Variants in SDK1 observed in about 807,000 individuals in gnomAD.
SDK1 encodes sidekick cell adhesion molecule 1.
In SDK1, 157 loss-of-function variants were observed where a neutral mutation model predicts 245.5. The observed-to-expected ratio is 0.64, with a 90% CI of 0.56 to 0.73. The LOEUF is 0.73. Ranked by LOEUF, SDK1 falls within the 30% of genes least tolerant of loss-of-function variation. The probability of loss-of-function intolerance (pLI) is 0.00; values close to 1 mark genes in which losing one functional copy is unlikely to be tolerated. For synonymous variants in SDK1, 1,647 were observed against 1,278.5 expected, an observed-to-expected ratio of 1.29 and a Z score of -6.15; for missense variants, 3,583 against 3,002.3, an observed-to-expected ratio of 1.19 and a Z score of -4.52.
At chr7:4,135,653 C>CT (rs1462981292) in intron 28 of SDK1, among the ~76,000 whole-genome samples, 1 of 152,218 alleles carries the variant, frequency 6.6e-6, no homozygotes, top group Admixed American at 6.5e-5. Context: ...ATGCGTGTTT[C>CT]TTAGCATTCC....
In SDK1 at chr7:4,110,685, A is replaced by T. The variant is rs1372104786; in HGVS notation, c.3347A>T (p.Glu1116Val). ...EGQVGAIGDE[E>V]EWVTLYEEEN... Reference sequence around the variant, plus strand: ...CAGGTGGGAGCTATCGGCGACGAGGAGGAGTGGGTCACCCTCTATGAAGAG... The same window carrying T: ...CAGGTGGGAGCTATCGGCGACGAGGTGGAGTGGGTCACCCTCTATGAAGAG... The change falls in exon 23 of 45, where the codon GAG becomes GTG. Residue 1116 changes from glutamate to valine, a missense_variant. Transcript: ENST00000404826. 7.4e-6 allele frequency: 12 copies of T among 1,613,750 alleles called. No individual in the cohort carries two copies. Among genetic ancestry groups the T allele is most frequent in the Non-Finnish European group, 1.0e-5 (12 of 1,179,816 alleles).
intron 4 of SDK1, among the ~76,000 whole-genome samples, chr7:3,817,331 A>G (rs548503260): frequency 2.5e-4 from 38 of 152,262 alleles, no homozygotes; most frequent in East Asian, 1.4e-3. Flanking sequence ...AGTACACCCA[A>G]TCGAAGCTCT....
intron 25 of SDK1, among the ~76,000 whole-genome samples, chr7:4,117,175 C>A (rs1783767966): frequency 6.6e-6 from 1 of 152,194 alleles, no homozygotes; most frequent in African/African-American, 2.4e-5. Context: ...TTTCTGGAAT[C>A]TTAAATGTAT....
intron 5 of SDK1, among the ~76,000 whole-genome samples, chr7:3,855,297 G>C (rs571459525): frequency 3.6e-4 from 55 of 151,984 alleles, no homozygotes; most frequent in Middle Eastern, 3.4e-3. Flanking sequence ...CACCATGAAA[G>C]AGAGACACCC....
Position 3,880,445 on chromosome 7 carries a change from C to T in SDK1, c.847+58862C>T, listed in dbSNP as rs575756173. The stretch of plus-strand genomic sequence containing the variant: ...TAGCCTCAGCAGCAGGAGCCCGGCC[C>T]GCGGCGCCAACACCAGCGCCTCTCT... On this transcript the variant is annotated intron_variant, in intron 5 of 44. Transcript: ENST00000404826. Among the ~76,000 whole-genome samples, 13 of 152,056 alleles carry T rather than the reference C, an allele frequency of 8.5e-5. No individual in the cohort carries two copies. The South Asian group carries it at 1.2e-3, about 15-fold the overall frequency.
At chr7:3,528,377 G>A (rs535704112) in intron 1 of SDK1, among the ~76,000 whole-genome samples, 2 of 151,714 alleles carry the variant, frequency 1.3e-5, no homozygotes, top group Admixed American at 6.6e-5. Context: ...TGTCAGCTAG[G>A]GGGTGAGTGG....
chr7:3,903,371 C>T, intron 5 of SDK1, among the ~76,000 whole-genome samples: 1 of 152,252 alleles, frequency 6.6e-6, no homozygotes, highest in Non-Finnish European at 1.5e-5. Flanking sequence ...TCTCGATCAT[C>T]TGCTGACCTT....
intron 1 of SDK1, among the ~76,000 whole-genome samples, chr7:3,430,561 C>T (rs1249633247): frequency 1.3e-5 from 2 of 152,228 alleles, no homozygotes; most frequent in African/African-American, 4.8e-5. Context: ...GACTGTCTTT[C>T]TCTAGCCATC....
intron 1 of SDK1, among the ~76,000 whole-genome samples, chr7:3,391,330 T>A (rs1781743487): frequency 6.6e-6 from 1 of 152,182 alleles, no homozygotes; most frequent in Admixed American, 6.5e-5. Context: ...CACATGACCT[T>A]GGTTCCATTG....
rs376745793 is a variant in SDK1 at position 3,542,662 on chromosome 7, A to G, written c.299-76418A>G. ...ATGTTAAAAATATTTTAATATCTTTACAATAACTATTGGCTATGCCTTACA... is the reference window on the plus strand; with the variant it reads ...ATGTTAAAAATATTTTAATATCTTTGCAATAACTATTGGCTATGCCTTACA... On this transcript the variant is annotated intron_variant, in intron 1 of 44. Transcript: ENST00000404826. Among the ~76,000 whole-genome samples, 51 of 152,342 alleles carry G rather than the reference A, an allele frequency of 3.3e-4. 1 individual carries two copies. Among genetic ancestry groups the G allele is most frequent in the Middle Eastern group, 6.8e-3 (2 of 294 alleles).
intron 1 of SDK1, among the ~76,000 whole-genome samples, chr7:3,323,703 T>C (rs1779873819): frequency 6.6e-6 from 1 of 152,244 alleles, no homozygotes; most frequent in South Asian, 2.1e-4. Flanking sequence ...TCTGGGTTCA[T>C]GTACCTAGAT....
Position 4,266,481 on chromosome 7 carries a change from C to T in SDK1, c.*1097C>T. On this transcript the variant is annotated 3_prime_UTR_variant, in exon 45 of 45. Transcript: ENST00000404826. Reference sequence around the variant, plus strand: ...CCTGGCTTCTGCTGGCTGCTCGCAGCAGCCACCGCTTCTCCACCACTGGCG... The same window carrying T: ...CCTGGCTTCTGCTGGCTGCTCGCAGTAGCCACCGCTTCTCCACCACTGGCG... 1.0e-6 allele frequency: 1 copy of T among 985,422 alleles called. No individual in the cohort carries two copies. Among genetic ancestry groups the T allele is most frequent in the South Asian group, 4.7e-5 (1 of 21,284 alleles). 61.0% of individuals were successfully genotyped at this position (985,422 alleles called of 1,614,324 possible).
intron 1 of SDK1, among the ~76,000 whole-genome samples, chr7:3,466,821 A>C (rs1009369701): frequency 2.0e-5 from 3 of 152,048 alleles, no homozygotes; most frequent in Non-Finnish European, 2.9e-5. Flanking sequence ...ACATTTTCAT[A>C]ACCAAGGATT....
intron 5 of SDK1, among the ~76,000 whole-genome samples, chr7:3,939,459 T>G (rs1419996866): frequency 6.6e-6 from 1 of 152,180 alleles, no homozygotes; most frequent in Non-Finnish European, 1.5e-5. Context: ...ATTTTCTATT[T>G]CGTGAACTTG....
chr7:3,767,786 C>G (rs775606280), intron 4 of SDK1, among the ~76,000 whole-genome samples: 9 of 151,902 alleles, frequency 5.9e-5, no homozygotes, highest in Non-Finnish European at 1.2e-4. Context: ...AAAAAACAAA[C>G]AAACAAAAAA....
chr7:3,953,577 A>C (rs1781000921), intron 7 of SDK1, among the ~76,000 whole-genome samples: 1 of 152,190 alleles, frequency 6.6e-6, no homozygotes, highest in South Asian at 2.1e-4. Context: ...GCGACGTGTA[A>C]ATCTCTAGTA....
chr7:3,454,423 T>TGTGTGTGTGTGTGTGCGC (rs1554273965), intron 1 of SDK1, among the ~76,000 whole-genome samples: 1 of 150,040 alleles, frequency 6.7e-6, no homozygotes, highest in African/African-American at 2.5e-5. Context: ...TGTGTGTGTG[T>TGTGTGTGTGTGTGTGCGC]GCTGTGTACA....
chr7:3,779,184 A>G (rs889636527), intron 4 of SDK1, among the ~76,000 whole-genome samples: 2 of 152,246 alleles, frequency 1.3e-5, no homozygotes, highest in African/African-American at 4.8e-5. Flanking sequence ...TAGGTATACC[A>G]TCTGGTCCAA....
In SDK1 at chr7:4,079,768, A is replaced by T. The variant is rs1414300825; in HGVS notation, c.3324+184A>T. Among the ~76,000 whole-genome samples, 7 of 152,216 alleles carry T rather than the reference A, an allele frequency of 4.6e-5. No homozygotes were observed. In the East Asian group the frequency reaches 1.3e-3, roughly 29 times the overall value. On this transcript the variant is annotated intron_variant, in intron 22 of 44. Transcript: ENST00000404826. ...AGAATGTAGGAAGACAAAGAACAAG[A>T]TGTCAGGCCGGGGTCCTACCAGGTG... is the stretch of plus-strand genomic sequence containing the variant.
Sources: allele counts gnomAD v4.1 joint callset (sites outside exome capture counted in the v4.1 genomes callset), GRCh38; gene constraint gnomAD v4.1.1; transcripts MANE v1.5; gene names NCBI Gene and HGNC (gene_info 2026-07-23, HGNC 2026-07-21).